Variants in CFLAR observed in about 807,000 individuals in gnomAD.
CFLAR encodes CASP8 and FADD like apoptosis regulator.
Under a neutral mutation model 51.1 loss-of-function variants are expected in CFLAR, and 14 were observed. That is an observed-to-expected ratio of 0.27 (90% confidence interval 0.18 to 0.43). The LOEUF is 0.43. CFLAR is among the 20% of genes least tolerant of loss of function. The probability of loss-of-function intolerance (pLI) is 1.00; values close to 1 mark genes in which losing one functional copy is unlikely to be tolerated. For synonymous variants in CFLAR, 210 were observed against 211.6 expected, an observed-to-expected ratio of 0.99 and a Z score of 0.06; for missense variants, 390 against 566.5, an observed-to-expected ratio of 0.69 and a Z score of 3.16.
chr2:201,117,836 A>G (rs762970347), intron 1 of CFLAR, among the ~76,000 whole-genome samples: 93 of 149,788 alleles, frequency 6.2e-4, no homozygotes, highest in Non-Finnish European at 6.6e-4. Flanking sequence ...GCTCACCGCA[A>G]CCTCCGCCTG....
chr2:201,148,581 A>G (rs1461860762), intron 6 of CFLAR: 1 of 157,832 alleles, frequency 6.3e-6, no homozygotes, highest in East Asian at 1.8e-4. Context: ...GCAAACACAT[A>G]TAAACTTTCC....
At chr2:201,141,455 T>G in intron 5 of CFLAR, 1 of 1,548,178 alleles carries the variant, frequency 6.5e-7, no homozygotes, top group Non-Finnish European at 8.7e-7. Context: ...CTGCCTCTAC[T>G]TAATCATTCT....
intron 1 of CFLAR, among the ~76,000 whole-genome samples, chr2:201,126,001 A>G (rs2125633432): frequency 6.6e-6 from 1 of 152,186 alleles, no homozygotes; most frequent in East Asian, 1.9e-4. Flanking sequence ...AGATAATTGA[A>G]AATGCTGGCC....
Position 201,172,670 on chromosome 2 carries a change from G to A in CFLAR, c.*8697G>A, listed in dbSNP as rs1211577197. 1 of 152,160 alleles carries A rather than the reference G, an allele frequency of 6.6e-6. No homozygotes were observed. Among genetic ancestry groups the A allele is most frequent in the Non-Finnish European group, 1.5e-5 (1 of 68,042 alleles). 9.4% of individuals were successfully genotyped at this position (152,160 alleles called of 1,614,324 possible). ...TAAAAATAAACATGTGGCCTTTCGT[G>A]TCTGACTTCCTTCACTTAGCATGTT... is the stretch of plus-strand genomic sequence containing the variant. On this transcript the variant is annotated 3_prime_UTR_variant, in exon 10 of 10. Coordinates refer to ENST00000309955, the MANE Select transcript of CFLAR (RefSeq NM_003879.7).
rs1559227744 is a variant in CFLAR at position 201,149,821 on chromosome 2, T to C, written c.779T>C (p.Ile260Thr). The C allele has an allele frequency of 3.1e-6, 5 of 1,613,166 alleles. No individual in the cohort carries two copies. The highest frequency in any genetic ancestry group is 4.2e-6 in the Non-Finnish European group (5 of 1,179,132). Residue 260 changes from isoleucine to threonine, a missense_variant, in exon 8 of 10, where the codon ATT becomes ACT. By Grantham distance (89) the Ile-to-Thr change is moderately conservative. This residue lies in a region of CFLAR where 287 missense variants were observed against 363.6 expected (regional missense o/e 0.79). Transcript: ENST00000309955. ...GGAATCTGCCTGATAATCGATTGCA[T>C]TGGCAATGAGACAGGTAGGTGTGGA... ...PLGICLIIDC[I>T]GNETELLRDT...
chr2:201,133,971 G>T (rs1251527606), intron 3 of CFLAR, among the ~76,000 whole-genome samples: 1 of 150,254 alleles, frequency 6.7e-6, no homozygotes, highest in African/African-American at 2.4e-5. Context: ...AGAAGACCAG[G>T]TAGTGGTGAA....
At chr2:201,125,306 G>A (rs2048573713) in intron 1 of CFLAR, among the ~76,000 whole-genome samples, 2 of 152,230 alleles carry the variant, frequency 1.3e-5, no homozygotes, top group South Asian at 4.1e-4. Context: ...CTGAAGCACT[G>A]AGTACAGACT....
At chr2:201,136,281 G>A (rs1476323907) in intron 4 of CFLAR, 174 bp downstream of exon 4, 4 of 1,599,976 alleles carry the variant, frequency 2.5e-6, no homozygotes, top group Non-Finnish European at 3.4e-6. Context: ...TCATATCCCA[G>A]ATCTGCCAAC....
Position 201,160,721 on chromosome 2 carries a change from G to C in CFLAR, c.1083G>C (p.Val361=). 6.2e-7 allele frequency: 1 copy of C among 1,614,138 alleles called. No homozygotes were observed. The highest frequency in any genetic ancestry group is 8.5e-7 in the Non-Finnish European group (1 of 1,180,016). The change falls in exon 9 of 10, where the codon GTG becomes GTC. Residue 361 remains valine (V), a synonymous_variant. Transcript: ENST00000309955. ...AGATGTTTTTTATTCAGAACTATGT[G>C]GTGTCAGAGGGCCAGCTGGAGGACA... The part of the protein sequence containing the change: ...KPKMFFIQNY[V]VSEGQLEDSS...
chr2:201,152,269 T>TACAG (rs1941409365), intron 8 of CFLAR, among the ~76,000 whole-genome samples: 1 of 152,212 alleles, frequency 6.6e-6, no homozygotes, highest in Non-Finnish European at 1.5e-5. Flanking sequence ...GTGCTGGGAT[T>TACAG]ACAGGCATGA....
intron 6 of CFLAR, among the ~76,000 whole-genome samples, chr2:201,146,974 G>A (rs1940317220): frequency 6.6e-6 from 1 of 152,204 alleles, no homozygotes. Context: ...TTCCTGAAAT[G>A]ATAGCATGTT....
chr2:201,116,502 C>G lies in CFLAR; in HGVS notation c.-138+21C>G, dbSNP rs1208103350. 1 of 152,410 alleles carries G rather than the reference C, an allele frequency of 6.6e-6. No homozygotes were observed. Among genetic ancestry groups the G allele is most frequent in the African/African-American group, 2.4e-5 (1 of 41,458 alleles). 9.4% of individuals were successfully genotyped at this position (152,410 alleles called of 1,614,324 possible). A position where few individuals can be genotyped will look rare whatever the true frequency, so the allele number is the denominator to read the frequency against. ...GGACGGTACGTGCCCCGCGCTCGAC[C>G]CCCGCGCTGGCGGCGCCGGAGCTGT... On this transcript the variant is annotated intron_variant, in intron 1 of 9. Transcript: ENST00000309955. This position sits in a 1 kb window ranked among gnomAD's most constrained non-coding sequence, Gnocchi z 4.8.
intron 4 of CFLAR, chr2:201,136,616 T>G: frequency 7.0e-7 from 1 of 1,429,990 alleles, no homozygotes; most frequent in Non-Finnish European, 9.1e-7. Context: ...TTACTTGCAT[T>G]CCTCATTGTC....
Position 201,133,265 on chromosome 2 carries a change from T to A in CFLAR, c.387+131T>A, listed in dbSNP as rs1181604536. On this transcript the variant is annotated intron_variant, in intron 3 of 9. Transcript: ENST00000309955. ...GGGAGTCAGACATCTCAGGTGGCTT[T>A]TAAACAACATGAATGGGAAGAGAAT... 2.6e-5 allele frequency: 16 copies of A among 622,168 alleles called. No homozygotes were observed. The East Asian group carries it at 4.1e-4, about 16-fold the overall frequency. The allele number at this position is 622,168 out of a possible 1,614,324, so 38.5% of individuals were successfully genotyped here.
intron 8 of CFLAR, among the ~76,000 whole-genome samples, chr2:201,158,435 G>A (rs1227459842): frequency 6.6e-6 from 1 of 152,240 alleles, no homozygotes; most frequent in African/African-American, 2.4e-5. Flanking sequence ...ACATTTATCA[G>A]TGAAGAGAGG....
In CFLAR at chr2:201,171,113, G is replaced by A. The variant is rs1370577067; in HGVS notation, c.*7140G>A. On this transcript the variant is annotated 3_prime_UTR_variant, in exon 10 of 10. Transcript: ENST00000309955. ...GGAGATAAGCTATGAGGATGCAAAG[G>A]CATAAGAAGGATACAATGGACTTTG... The A allele has an allele frequency of 6.6e-6, 1 of 152,128 alleles. No homozygotes were observed. Among genetic ancestry groups the A allele is most frequent in the Non-Finnish European group, 1.5e-5 (1 of 68,026 alleles). 9.4% of individuals were successfully genotyped at this position (152,128 alleles called of 1,614,324 possible).
At chr2:201,163,243 T>G in intron 9 of CFLAR, 1 of 1,303,740 alleles carries the variant, frequency 7.7e-7, no homozygotes. Context: ...TTTTAATGTT[T>G]ATTGGCAAGA....
rs561568592 is a variant in CFLAR, at chr2:201,132,426, G to GA, written c.282-598dup. Among the ~76,000 whole-genome samples the GA allele has an allele frequency of 8.5e-3, 1,172 of 137,908 alleles. 13 individuals are homozygous for GA. Among genetic ancestry groups the GA allele is most frequent in the African/African-American group, 0.029 (1,027 of 35,842 alleles). The allele number at this position is 137,908 out of a possible 152,430, so 90.5% of individuals were successfully genotyped here. A position where few individuals can be genotyped will look rare whatever the true frequency, so the allele number is the denominator to read the frequency against. On this transcript the variant is annotated intron_variant, in intron 2 of 9. Transcript: ENST00000309955. Reference sequence around the variant, plus strand: ...TCTCAAAGTCTATTTCCTAGGGGGGGAAAAATATATATATATATATATATA... The same window carrying GA: ...TCTCAAAGTCTATTTCCTAGGGGGGGAAAAAATATATATATATATATATATA...
At chr2:201,146,155 T>C (rs147943060) in intron 6 of CFLAR, 48 of 152,100 alleles carry the variant, frequency 3.2e-4, no homozygotes, top group African/African-American at 1.1e-3. Flanking sequence ...TCTTTTCTTT[T>C]CTTTTTTTTG....
Sources: gnomAD v4.1 joint callset for allele counts (sites outside exome capture counted in the v4.1 genomes callset) on GRCh38, gnomAD v4.1.1 for gene constraint, gnomAD v4.1.1 regional missense constraint, Gnocchi (gnomAD v3.1) non-coding constraint, MANE v1.5 for transcripts, NCBI Gene and HGNC (gene_info 2026-07-23, HGNC 2026-07-21) for gene names.